The following ZFYVE16 variants were observed in gnomAD, a reference collection of about 807,000 sequenced individuals.
The protein encoded by ZFYVE16 is zinc finger FYVE domain-containing protein 16.
A neutral mutation model predicts 138.1 loss-of-function variants in ZFYVE16; 89 were observed. The observed-to-expected ratio is 0.64, with a 90% CI of 0.54 to 0.77. The LOEUF is 0.77. Ranked by LOEUF, ZFYVE16 falls within the 30% of genes least tolerant of loss-of-function variation. The pLI, the probability that ZFYVE16 is intolerant of heterozygous loss-of-function variation, is 0.00. For synonymous variants in ZFYVE16, 596 were observed against 618.3 expected, an observed-to-expected ratio of 0.96 and a Z score of 0.53; for missense variants, 1,793 against 1,786.7, an observed-to-expected ratio of 1.00 and a Z score of -0.06.
chr5:80,450,465 T>C lies in ZFYVE16; in HGVS notation c.3261T>C (p.Asn1087=). 6.2e-7 allele frequency: 1 copy of C among 1,613,620 alleles called. No homozygotes were observed. The highest frequency in any genetic ancestry group is 8.5e-7 in the Non-Finnish European group (1 of 1,179,694). ...SSDKYWYFST[N]GLHGLGQAEI... is the part of the protein sequence containing the mutation. ...ACAAATATTGGTACTTTTCAACCAA[T>C]GGATTGCATGGCTTGGGACAGGCAG... The change falls in exon 10 of 19, where the codon AAT becomes AAC. Residue 1087 remains asparagine, a synonymous_variant. Coordinates refer to ENST00000505560, the MANE Select transcript of ZFYVE16 (RefSeq NM_001284236.3).
At chr5:80,424,509 T>G (rs1453298673) in intron 1 of ZFYVE16, among the ~76,000 whole-genome samples, 1 of 151,386 alleles carries the variant, frequency 6.6e-6, no homozygotes, top group Non-Finnish European at 1.5e-5. Context: ...TTGCCCAGGC[T>G]GGAGTGCAGT....
At chr5:80,408,541 G>T (rs1223394366) in intron 1 of ZFYVE16, among the ~76,000 whole-genome samples, 2 of 152,240 alleles carry the variant, frequency 1.3e-5, no homozygotes, top group Non-Finnish European at 2.9e-5. Flanking sequence ...CTGCGGAGGG[G>T]ACTGTGGTTC....
chr5:80,439,350 A>G (rs533198680), intron 4 of ZFYVE16, among the ~76,000 whole-genome samples: 1 of 152,302 alleles, frequency 6.6e-6, no homozygotes, highest in Non-Finnish European at 1.5e-5. Flanking sequence ...TTGTCCTTGA[A>G]CATTTAATTT....
chr5:80,412,929 C>A (rs192884768), intron 1 of ZFYVE16, among the ~76,000 whole-genome samples: 2 of 152,246 alleles, frequency 1.3e-5, no homozygotes, highest in Non-Finnish European at 2.9e-5. Context: ...AATCCCAGCA[C>A]TTTGGGAGGC....
intron 5 of ZFYVE16, chr5:80,441,877 A>C (rs953238530): frequency 1.7e-5 from 17 of 985,294 alleles, no homozygotes; most frequent in African/African-American, 1.7e-5. Flanking sequence ...AGGGAGAGCT[A>C]TCAGTGTTCC....
At chr5:80,447,345 A>G (rs1023545140) in intron 7 of ZFYVE16, among the ~76,000 whole-genome samples, 2 of 151,784 alleles carry the variant, frequency 1.3e-5, no homozygotes, top group Admixed American at 1.3e-4. Flanking sequence ...TGGTAGAAAC[A>G]TATGCTGTTT....
chr5:80,475,542 A>G (rs905487913), intron 18 of ZFYVE16, among the ~76,000 whole-genome samples: 2 of 152,102 alleles, frequency 1.3e-5, no homozygotes, highest in Admixed American at 1.3e-4. Flanking sequence ...AGTGTTACTC[A>G]TTTCTTACGT....
At position 80,451,524 on chromosome 5, in the gene ZFYVE16, A is replaced by C; in HGVS notation, c.3422A>C (p.Glu1141Ala). The change falls in exon 11 of 19, where the codon GAG becomes GCG. Residue 1141 changes from glutamate to alanine, a missense_variant. Physicochemically the swap from Glu to Ala is moderately radical, Grantham distance 107 (BLOSUM62 -1). Transcript: ENST00000505560. ...IENLDNITFT[E>A]SFLSSKDHGG... is the part of the protein sequence containing the mutation. ...AACTTGGACAATATTACCTTTACTG[A>C]GAGTTTTCTCAGTAGCAAGGATCAC... 6.2e-7 allele frequency: 1 copy of C among 1,613,464 alleles called. No homozygotes were observed. The highest frequency in any genetic ancestry group is 1.1e-5 in the South Asian group (1 of 90,856).
At chr5:80,409,380 A>AAGCG (rs996857621) in intron 1 of ZFYVE16, among the ~76,000 whole-genome samples, 1 of 152,222 alleles carries the variant, frequency 6.6e-6, no homozygotes, top group Non-Finnish European at 1.5e-5. Context: ...TTCATTTAAC[A>AAGCG]TTATGATTGG....
At chr5:80,468,939 A>G (rs1052575649) in intron 15 of ZFYVE16, among the ~76,000 whole-genome samples, 4 of 152,094 alleles carry the variant, frequency 2.6e-5, no homozygotes, top group African/African-American at 7.2e-5. Flanking sequence ...AATAGAAGCA[A>G]TAATCATAAG....
At chr5:80,445,137 G>A in intron 6 of ZFYVE16, 126 bp from the exon 7 acceptor site, 1 of 955,876 alleles carries the variant, frequency 1.0e-6, no homozygotes, top group Non-Finnish European at 1.5e-6. Flanking sequence ...GATCTTTGTA[G>A]CCCTGAGAAT....
At chr5:80,433,866 A>C (rs1356755873) in intron 2 of ZFYVE16, among the ~76,000 whole-genome samples, 1 of 152,150 alleles carries the variant, frequency 6.6e-6, no homozygotes, top group Non-Finnish European at 1.5e-5. Context: ...TGAGTTATTT[A>C]GGTAAGTGTT....
intron 2 of ZFYVE16, among the ~76,000 whole-genome samples, chr5:80,431,817 G>T (rs2112315936): frequency 6.6e-6 from 1 of 152,276 alleles, no homozygotes; most frequent in East Asian, 1.9e-4. Context: ...CAAATCATGA[G>T]TGAACTCCCA....
At chr5:80,458,190 C>T (rs1752734215) in intron 14 of ZFYVE16, among the ~76,000 whole-genome samples, 1 of 152,040 alleles carries the variant, frequency 6.6e-6, no homozygotes, top group South Asian at 2.1e-4. Context: ...TATCACTTAA[C>T]ATGATATTGG....
At chr5:80,413,036 T>C (rs1035806523) in intron 1 of ZFYVE16, among the ~76,000 whole-genome samples, 1 of 151,836 alleles carries the variant, frequency 6.6e-6, no homozygotes, top group Non-Finnish European at 1.5e-5. Context: ...ATTAGCTGGG[T>C]TGTGGGGCAC....
At chr5:80,457,744 G>T (rs761043562) in intron 14 of ZFYVE16, among the ~76,000 whole-genome samples, 7 of 151,916 alleles carry the variant, frequency 4.6e-5, no homozygotes, top group Non-Finnish European at 8.8e-5. Context: ...AGTAGTAAAA[G>T]AGGCCAGGCA....
At position 80,441,273 on chromosome 5, in the gene ZFYVE16, A is replaced by G. The variant is rs962193870; in HGVS notation, c.2419+1241A>G. 3 of 985,440 alleles carry G rather than the reference A, an allele frequency of 3.0e-6. No individual in the cohort carries two copies. The African/African-American group carries it at 5.2e-5, about 17-fold the overall frequency. 61.0% of individuals were successfully genotyped at this position (985,440 alleles called of 1,614,324 possible). On this transcript the variant is annotated intron_variant, in intron 5 of 18. Coordinates refer to ENST00000505560, the MANE Select transcript of ZFYVE16 (RefSeq NM_001284236.3). ...AGGTCAGATTTTTGGGTGAACATTC[A>G]GACATATTTTGACTCTAAGGGTCCA...
At chr5:80,447,933 T>C in intron 7 of ZFYVE16, 93 bp from the exon 8 acceptor site, 1 of 1,148,638 alleles carries the variant, frequency 8.7e-7, no homozygotes, top group South Asian at 2.5e-5. Context: ...TTTATTCTTA[T>C]TAAAAAGATA....
Position 80,436,617 on chromosome 5 carries a change from G to A in ZFYVE16, c.71-139G>A, listed in dbSNP as rs188600919. On this transcript the variant is annotated intron_variant, in intron 3 of 18. Transcript: ENST00000505560. ...AAGGAAATACAAAAATAGTTTTGGAGGTGATTTGTGTTTTGCAAAAGGATA... is the reference window on the plus strand; with the variant it reads ...AAGGAAATACAAAAATAGTTTTGGAAGTGATTTGTGTTTTGCAAAAGGATA... The A allele has an allele frequency of 3.4e-4, 225 of 668,850 alleles. 1 individual carries two copies. In the Middle Eastern group the frequency reaches 5.0e-3, roughly 15 times the overall value. 41.4% of individuals were successfully genotyped at this position (668,850 alleles called of 1,614,324 possible). A position where few individuals can be genotyped will look rare whatever the true frequency, so the allele number is the denominator to read the frequency against.
Sources: gnomAD v4.1 joint callset for allele counts (sites outside exome capture counted in the v4.1 genomes callset) on GRCh38, gnomAD v4.1.1 for gene constraint, MANE v1.5 for transcripts, NCBI Gene and HGNC (gene_info 2026-07-23, HGNC 2026-07-21) for gene names.